Variants in TEX101 observed in about 807,000 individuals in gnomAD.
TEX101 encodes testis-expressed protein 101.
A neutral mutation model predicts 18.1 loss-of-function variants in TEX101; 10 were observed. That is an observed-to-expected ratio of 0.55 (90% CI 0.34 to 0.94). TEX101 has a LOEUF of 0.94. TEX101 is among the 40% of genes least tolerant of loss of function. The pLI, the probability that TEX101 is intolerant of heterozygous loss-of-function variation, is 0.02. For missense variants in TEX101, 259 were observed against 298.9 expected, an observed-to-expected ratio of 0.87 and a Z score of 0.98; for synonymous variants, 94 against 114.8, an observed-to-expected ratio of 0.82 and a Z score of 1.16.
chr19:43,413,160 T>A (rs1031680730), upstream of TEX101, among the ~76,000 whole-genome samples: 3 of 152,160 alleles, frequency 2.0e-5, no homozygotes, highest in Non-Finnish European at 2.9e-5. Flanking sequence ...CCACGCTTGC[T>A]CGATTTATCA....
At chr19:43,412,107 A>G (rs1403122851), upstream of TEX101, among the ~76,000 whole-genome samples, 2 of 152,216 alleles carry the variant, frequency 1.3e-5, no homozygotes, top group Non-Finnish European at 2.9e-5. Flanking sequence ...TTGCACTGCT[A>G]TAAAGAAATA....
the TEX101 span, among the ~76,000 whole-genome samples, chr19:43,395,694 G>A: frequency 3.9e-5 from 6 of 152,188 alleles, no homozygotes; most frequent in Admixed American, 6.5e-5. Context: ...GCTGAACGAC[G>A]CCTCTCAGAA....
At chr19:43,388,878 T>C in the TEX101 span, among the ~76,000 whole-genome samples, 4 of 152,108 alleles carry the variant, frequency 2.6e-5, no homozygotes, top group Non-Finnish European at 5.9e-5. Flanking sequence ...TTAATCATAT[T>C]TTTCCAGCAA....
chr19:43,417,857 GT>G lies in TEX101; in HGVS notation c.392-20del. Reference sequence around the variant, plus strand: ...CTGGAGGCAGGACCTGCCCTTAACTGTCTCTCTCATTTCCCTCCAGCTTCCA... The same window carrying G: ...CTGGAGGCAGGACCTGCCCTTAACTGCTCTCTCATTTCCCTCCAGCTTCCA... On this transcript the variant is annotated intron_variant, in intron 4 of 5. Coordinates refer to ENST00000598265, the MANE Select transcript of TEX101 (RefSeq NM_001130011.3). 2 of 1,613,680 alleles carry G rather than the reference GT, an allele frequency of 1.2e-6. No homozygotes were observed. The highest frequency in any genetic ancestry group is 1.7e-4 in the Middle Eastern group (1 of 6,004).
chr19:43,413,685 G>T (rs955681846), upstream of TEX101, among the ~76,000 whole-genome samples: 2 of 152,120 alleles, frequency 1.3e-5, no homozygotes, highest in African/African-American at 4.8e-5. Context: ...AGGGGTGGTG[G>T]CTCACGTCTG....
intron 2 of TEX101, among the ~76,000 whole-genome samples, chr19:43,405,275 A>T (rs184864120): frequency 6.6e-6 from 1 of 152,286 alleles, no homozygotes; most frequent in African/African-American, 2.4e-5. Context: ...GTGGATTAGG[A>T]AGGCAAGATC....
upstream of TEX101, among the ~76,000 whole-genome samples, chr19:43,399,466 A>G (rs1034075901): frequency 6.6e-6 from 1 of 152,068 alleles, no homozygotes; most frequent in Non-Finnish European, 1.5e-5. Context: ...CAAAATGGCA[A>G]TTATCTAATT....
Position 43,418,237 on chromosome 19 carries a change from T to A in TEX101, c.590T>A (p.Ile197Asn). The change falls in exon 6 of 6, where the codon ATC (isoleucine) becomes AAC (asparagine). Residue 197 changes from isoleucine to asparagine, a missense_variant. Coordinates refer to ENST00000598265, the MANE Select transcript of TEX101 (RefSeq NM_001130011.3). ...AMIGCRLMSG[I>N]LAVGPMFVRE... ...ATTGGCTGCAGGCTGATGTCTGGAA[T>A]CTTAGCAGTAGGACCCATGTTTGTG... 7 of 1,614,188 alleles carry A rather than the reference T, an allele frequency of 4.3e-6. No individual in the cohort carries two copies. Among genetic ancestry groups the A allele is most frequent in the Non-Finnish European group, 5.9e-6 (7 of 1,180,034 alleles).
intron 2 of TEX101, among the ~76,000 whole-genome samples, chr19:43,404,203 T>TC (rs1201131245): frequency 3.3e-5 from 5 of 151,906 alleles, no homozygotes; most frequent in Non-Finnish European, 7.4e-5. Context: ...TTAGGGATAC[T>TC]CATCTTCAGC....
chr19:43,409,567 A>AAGAT (rs1324734444), intron 3 of TEX101, among the ~76,000 whole-genome samples: 7 of 152,124 alleles, frequency 4.6e-5, no homozygotes, highest in African/African-American at 7.2e-5. Flanking sequence ...AGTATTGAAA[A>AAGAT]AGATATACCA....
At chr19:43,393,308 A>C in the TEX101 span, among the ~76,000 whole-genome samples, 5 of 152,224 alleles carry the variant, frequency 3.3e-5, no homozygotes, top group African/African-American at 1.2e-4. Flanking sequence ...CCCAATGCCC[A>C]GTGCCCCTGA....
upstream of TEX101, among the ~76,000 whole-genome samples, chr19:43,401,064 C>T (rs1375476872): frequency 6.6e-6 from 1 of 152,192 alleles, no homozygotes; most frequent in Non-Finnish European, 1.5e-5. Context: ...AAAAAGTCTG[C>T]ACCTTCCATC....
At chr19:43,413,641 A>G (rs1470132895), upstream of TEX101, among the ~76,000 whole-genome samples, 1 of 152,020 alleles carries the variant, frequency 6.6e-6, no homozygotes, top group Non-Finnish European at 1.5e-5. Flanking sequence ...TCCTGCTACA[A>G]CTTCATGTCA....
intron 1 of TEX101, among the ~76,000 whole-genome samples, chr19:43,415,317 T>A (rs1353642892): frequency 6.6e-6 from 1 of 151,766 alleles, no homozygotes; most frequent in Non-Finnish European, 1.5e-5. Flanking sequence ...AGGGCCACAC[T>A]CCTGATCCTG....
rs1460699583 is a variant in TEX101, at chr19:43,418,312, A to G, written c.665A>G (p.Asn222Ser). Residue 222 changes from asparagine (N) to serine (S), a missense_variant, in exon 6 of 6, where the codon AAT (asparagine) becomes AGT (serine). Physicochemically the swap from Asn to Ser is conservative, Grantham distance 46 (BLOSUM62 1). Transcript: ENST00000598265. ...CTCACTCAACCTCGAAAGACTGAAAATGGGGCCACCTGTCTTCCCATTCCT... is the reference window on the plus strand; with the variant it reads ...CTCACTCAACCTCGAAAGACTGAAAGTGGGGCCACCTGTCTTCCCATTCCT... The part of the protein sequence containing the change: ...QLLTQPRKTE[N>S]GATCLPIPVW... The G allele has an allele frequency of 6.2e-7, 1 of 1,614,178 alleles. No individual in the cohort carries two copies.
chr19:43,389,159 C>T, the TEX101 span, among the ~76,000 whole-genome samples: 1 of 152,216 alleles, frequency 6.6e-6, no homozygotes, highest in East Asian at 1.9e-4. Context: ...CCAGGTGGAA[C>T]ACGGTACATA....
the TEX101 span, among the ~76,000 whole-genome samples, chr19:43,390,294 G>A: frequency 7.2e-5 from 11 of 152,044 alleles, no homozygotes; most frequent in Middle Eastern, 3.4e-3. Flanking sequence ...CTAGCCCCAC[G>A]CCAGACCCAG....
intron 2 of TEX101, 53 bp from the exon 3 acceptor site, chr19:43,416,046 G>A: frequency 1.9e-6 from 3 of 1,611,110 alleles, no homozygotes; most frequent in Non-Finnish European, 2.5e-6. Context: ...GATGAAAAGG[G>A]AGCCGCCTTG....
the TEX101 span, among the ~76,000 whole-genome samples, chr19:43,389,380 CT>C: frequency 2.0e-5 from 3 of 152,206 alleles, no homozygotes; most frequent in Non-Finnish European, 4.4e-5. Context: ...CACCGATTTG[CT>C]TTTTGTTTTT....
Sources: allele counts gnomAD v4.1 joint callset (sites outside exome capture counted in the v4.1 genomes callset), GRCh38; gene constraint gnomAD v4.1.1; transcripts MANE v1.5; gene names NCBI Gene and HGNC (gene_info 2026-07-23, HGNC 2026-07-21).